LRCH1: variants seen among roughly 807,000 people sequenced by gnomAD.
The protein encoded by LRCH1 is leucine rich repeats and calponin homology domain containing 1, also known as leucine-rich repeat and calponin homology domain-containing protein 1.
Under a neutral mutation model 94.9 loss-of-function variants are expected in LRCH1, and 23 were observed. The ratio of observed to expected loss-of-function variants is 0.24; its 90% CI spans 0.17 to 0.34. The LOEUF is 0.34. Among genes scored for constraint, LRCH1 ranks in the 10% least tolerant of loss-of-function variants. The pLI, the probability that LRCH1 is intolerant of heterozygous loss-of-function variation, is 1.00. For missense variants in LRCH1, 790 were observed against 945.9 expected (o/e 0.84, Z 2.16); for synonymous variants, 364 against 354.9 (o/e 1.03, Z -0.29).
chr13:46,662,000 C>A (rs1345429757), intron 2 of LRCH1, among the ~76,000 whole-genome samples: 1 of 152,106 alleles, frequency 6.6e-6, no homozygotes, highest in African/African-American at 2.4e-5. Flanking sequence ...ATCACGAGGT[C>A]AGGAGTTTGA....
intron 1 of LRCH1, among the ~76,000 whole-genome samples, chr13:46,625,066 C>T (rs1259873786): frequency 1.3e-5 from 2 of 152,226 alleles, no homozygotes; most frequent in Non-Finnish European, 1.5e-5. Context: ...TTAACCATAC[C>T]TACCTATGTA....
chr13:46,653,156 T>C (rs1357416516), intron 2 of LRCH1, among the ~76,000 whole-genome samples: 1 of 152,174 alleles, frequency 6.6e-6, no homozygotes, highest in Non-Finnish European at 1.5e-5. Context: ...AAAAAGAATA[T>C]AGGAAGAGGC....
At chr13:46,612,600 A>G (rs1303511612) in intron 1 of LRCH1, among the ~76,000 whole-genome samples, 1 of 152,064 alleles carries the variant, frequency 6.6e-6, no homozygotes, top group Admixed American at 6.6e-5. Context: ...CAGTTAGACC[A>G]CTCCAAGGAC....
At chr13:46,590,219 TAG>T (rs1297366243) in intron 1 of LRCH1, among the ~76,000 whole-genome samples, 1 of 152,174 alleles carries the variant, frequency 6.6e-6, no homozygotes, top group Non-Finnish European at 1.5e-5. Context: ...AACTTCTGAT[TAG>T]AGTCTCTTCC....
At chr13:46,622,043 G>C (rs188450855) in intron 1 of LRCH1, among the ~76,000 whole-genome samples, 4 of 152,256 alleles carry the variant, frequency 2.6e-5, no homozygotes, top group African/African-American at 7.2e-5. Flanking sequence ...TAATAGAAAT[G>C]TTTATGTAAG....
intron 19 of LRCH1, among the ~76,000 whole-genome samples, chr13:46,735,788 CTTTTCTTTTTTT>C (rs1873344111): frequency 2.9e-5 from 2 of 69,916 alleles, no homozygotes; most frequent in African/African-American, 9.5e-5. Context: ...TTTTCTTTTT[CTTTTCTTTTTTT>C]TTTTTTTTTC....
At chr13:46,563,786 A>C (rs2050153816) in intron 1 of LRCH1, among the ~76,000 whole-genome samples, 1 of 152,184 alleles carries the variant, frequency 6.6e-6, no homozygotes, top group Non-Finnish European at 1.5e-5. Flanking sequence ...TCTCTCCCTC[A>C]TTTAATAGCT....
intron 19 of LRCH1, among the ~76,000 whole-genome samples, chr13:46,735,467 A>G (rs939513204): frequency 1.3e-5 from 2 of 152,304 alleles, no homozygotes; most frequent in East Asian, 3.9e-4. Flanking sequence ...AAACTCATCA[A>G]TGTGTTTTTG....
chr13:46,744,915 T>TC, downstream of LRCH1: 2 of 984,096 alleles, frequency 2.0e-6, no homozygotes, highest in Non-Finnish European at 2.4e-6. Context: ...GCCCTTTTTT[T>TC]CTTCTTTAAG....
intron 3 of LRCH1, among the ~76,000 whole-genome samples, chr13:46,675,177 G>T (rs1053480420): frequency 1.3e-5 from 2 of 152,202 alleles, no homozygotes; most frequent in East Asian, 3.8e-4. Context: ...GATGGATGAG[G>T]TATATTTGTT....
Position 46,741,998 on chromosome 13 carries a change from T to C in LRCH1, c.*150T>C. ...TGAAGCTGAACAGTAGCAAATCAGA[T>C]TTTCCAGAAGCACAAACTTTGTAGA... On this transcript the variant is annotated 3_prime_UTR_variant, in exon 20 of 20. Coordinates refer to ENST00000389797, the MANE Select transcript of LRCH1 (RefSeq NM_001164211.2). The C allele has an allele frequency of 6.7e-7, 1 of 1,495,430 alleles. No homozygotes were observed. The highest frequency in any genetic ancestry group is 8.8e-7 in the Non-Finnish European group (1 of 1,131,338). The allele number at this position is 1,495,430 out of a possible 1,614,324, so 92.6% of individuals were successfully genotyped here. A position where few individuals can be genotyped will look rare whatever the true frequency, so the allele number is the denominator to read the frequency against.
chr13:46,604,860 T>A (rs2050670708), intron 1 of LRCH1, among the ~76,000 whole-genome samples: 1 of 152,202 alleles, frequency 6.6e-6, no homozygotes, highest in Non-Finnish European at 1.5e-5. Flanking sequence ...ACGACACACA[T>A]GCTTTTCTAT....
At chr13:46,679,895 C>T (rs2051728388) in intron 3 of LRCH1, 1 of 152,200 alleles carries the variant, frequency 6.6e-6, no homozygotes, top group African/African-American at 2.4e-5. Flanking sequence ...TCACCTGAAG[C>T]CTTTTAGATG....
At chr13:46,622,509 T>A (rs1227458656) in intron 1 of LRCH1, among the ~76,000 whole-genome samples, 1 of 152,104 alleles carries the variant, frequency 6.6e-6, no homozygotes, top group Non-Finnish European at 1.5e-5. Context: ...TTGCAGAAAG[T>A]GGTTTGTATT....
intron 1 of LRCH1, among the ~76,000 whole-genome samples, chr13:46,565,078 A>G (rs1335401130): frequency 6.6e-6 from 1 of 152,228 alleles, no homozygotes; most frequent in East Asian, 1.9e-4. Context: ...TTTCCTCGTC[A>G]TAAAATGGGG....
chr13:46,717,123 C>T (rs1014626528), intron 16 of LRCH1, among the ~76,000 whole-genome samples: 5 of 151,638 alleles, frequency 3.3e-5, no homozygotes, highest in African/African-American at 4.9e-5. Context: ...TCTTTATAGA[C>T]GAACAGACTA....
chr13:46,658,274 A>C (rs920391872), intron 2 of LRCH1, among the ~76,000 whole-genome samples: 3 of 151,844 alleles, frequency 2.0e-5, no homozygotes, highest in South Asian at 4.2e-4. Flanking sequence ...ACTTTTTTTT[A>C]ACTTAGCTTT....
intron 1 of LRCH1, among the ~76,000 whole-genome samples, chr13:46,585,418 A>G (rs1387941875): frequency 6.6e-6 from 1 of 152,168 alleles, no homozygotes; most frequent in African/African-American, 2.4e-5. Context: ...TCTACTAAAA[A>G]TACAAAAAAT....
At position 46,701,304 on chromosome 13, in the gene LRCH1, T is replaced by A. The variant is rs1043142675; in HGVS notation, c.1400+97T>A. On this transcript the variant is annotated intron_variant, in intron 11 of 19. Coordinates refer to ENST00000389797, the MANE Select transcript of LRCH1 (RefSeq NM_001164211.2). ...ATTCCTAAAATACCTACACAGACGA[T>A]TTTGGCCCAGTCCAGCTACTAACAA... The A allele has an allele frequency of 3.6e-6, 3 of 826,790 alleles. No homozygotes were observed. In the African/African-American group the frequency reaches 5.2e-5, roughly 14 times the overall value. 51.2% of individuals were successfully genotyped at this position (826,790 alleles called of 1,614,324 possible).
Sources: allele counts gnomAD v4.1 joint callset (sites outside exome capture counted in the v4.1 genomes callset), GRCh38; gene constraint gnomAD v4.1.1; transcripts MANE v1.5; gene names NCBI Gene and HGNC (gene_info 2026-07-23, HGNC 2026-07-21).